MSRB3: variants seen among roughly 807,000 people sequenced by gnomAD.
The protein encoded by MSRB3 is methionine sulfoxide reductase B3, also known as methionine-R-sulfoxide reductase B3.
Under a neutral mutation model 21.0 loss-of-function variants are expected in MSRB3, and 13 were observed. The ratio of observed to expected loss-of-function variants is 0.62; its 90% confidence interval spans 0.40 to 0.98. The LOEUF (loss-of-function observed/expected upper bound fraction) is 0.98. Ranked by LOEUF, MSRB3 falls within the 50% of genes least tolerant of loss-of-function variation. MSRB3 has a pLI of 0.00. For missense variants in MSRB3, 199 were observed against 230.3 expected, an observed-to-expected ratio of 0.86 and a Z score of 0.88; for synonymous variants, 87 against 88.6, an observed-to-expected ratio of 0.98 and a Z score of 0.10.
chr12:65,400,537 T>C (rs1880067586), intron 5 of MSRB3, among the ~76,000 whole-genome samples: 1 of 152,164 alleles, frequency 6.6e-6, no homozygotes, highest in Non-Finnish European at 1.5e-5. Context: ...TCTATCTATT[T>C]TGTTATTCTT....
At chr12:65,405,868 A>G (rs1880387096) in intron 5 of MSRB3, among the ~76,000 whole-genome samples, 1 of 151,946 alleles carries the variant, frequency 6.6e-6, no homozygotes, top group African/African-American at 2.4e-5. Context: ...TTTGTTGGCC[A>G]TTTGTATGTC....
chr12:65,374,950 C>T (rs376922936), intron 5 of MSRB3, among the ~76,000 whole-genome samples: 6 of 151,660 alleles, frequency 4.0e-5, no homozygotes, highest in East Asian at 1.9e-4. Context: ...CCCAGGTTTA[C>T]GCCATTCTCC....
chr12:65,308,080 C>A (rs1305219699), intron 1 of MSRB3, among the ~76,000 whole-genome samples: 1 of 152,154 alleles, frequency 6.6e-6, no homozygotes, highest in African/African-American at 2.4e-5. Context: ...CCTTTTTCCA[C>A]TGGTTATTTG....
chr12:65,437,985 G>C (rs1216142730), intron 5 of MSRB3, among the ~76,000 whole-genome samples: 1 of 151,936 alleles, frequency 6.6e-6, no homozygotes, highest in African/African-American at 2.4e-5. Flanking sequence ...ACATTGTGAG[G>C]AGGGCAGACA....
At chr12:65,358,545 GTAT>G (rs1251559524) in intron 4 of MSRB3, among the ~76,000 whole-genome samples, 4 of 151,982 alleles carry the variant, frequency 2.6e-5, no homozygotes, top group Middle Eastern at 3.4e-3. Flanking sequence ...AATGTGGGGT[GTAT>G]TTTTTTTGTT....
chr12:65,460,160 AGTTT>A (rs1883257445), intron 6 of MSRB3, among the ~76,000 whole-genome samples: 1 of 152,248 alleles, frequency 6.6e-6, no homozygotes, highest in Non-Finnish European at 1.5e-5. Flanking sequence ...TCGAGCAACC[AGTTT>A]GTTTCAGTTA....
chr12:65,322,364 A>C (rs1274559597), intron 2 of MSRB3, among the ~76,000 whole-genome samples: 2 of 152,178 alleles, frequency 1.3e-5, no homozygotes, highest in African/African-American at 4.8e-5. Context: ...TTTCCTGACA[A>C]AATATGATGA....
At chr12:65,326,693 A>C in intron 2 of MSRB3, 133 bp from the exon 3 acceptor site, 1 of 704,880 alleles carries the variant, frequency 1.4e-6, no homozygotes, top group Non-Finnish European at 2.6e-6. Context: ...TCAGGTAAGC[A>C]TTTCCAGTGC....
At chr12:65,446,119 G>A (rs1366743042) in intron 5 of MSRB3, among the ~76,000 whole-genome samples, 1 of 152,172 alleles carries the variant, frequency 6.6e-6, no homozygotes, top group African/African-American at 2.4e-5. Flanking sequence ...ATGAAATCAT[G>A]TCATCAGCAT....
At chr12:65,419,936 C>A (rs1881197007) in intron 5 of MSRB3, 24 of 579,428 alleles carry the variant, frequency 4.1e-5, no homozygotes, top group Non-Finnish European at 7.3e-5. Context: ...TGCTGCTGAC[C>A]AGCCAGGTGC....
chr12:65,325,291 G>A (rs998697947), intron 2 of MSRB3, among the ~76,000 whole-genome samples: 14 of 152,168 alleles, frequency 9.2e-5, no homozygotes, highest in African/African-American at 2.4e-4. Flanking sequence ...GATAAGACGG[G>A]GTCCAGTGAG....
chr12:65,453,691 C>T (rs781105466), intron 5 of MSRB3, 37 bp from the exon 6 acceptor site: 17 of 1,466,670 alleles, frequency 1.2e-5, no homozygotes, highest in Middle Eastern at 1.7e-4. Context: ...GTGTATCTCT[C>T]CTCTCTGCTT....
chr12:65,288,447 C>T (rs1872512246), intron 1 of MSRB3, among the ~76,000 whole-genome samples: 1 of 152,044 alleles, frequency 6.6e-6, no homozygotes, highest in Admixed American at 6.6e-5. Flanking sequence ...AGTTGACTAT[C>T]TTGTGCGATT....
chr12:65,284,026 C>T (rs1872199190), intron 1 of MSRB3: 1 of 152,136 alleles, frequency 6.6e-6, no homozygotes, highest in East Asian at 1.9e-4. Flanking sequence ...AGGAAATCAG[C>T]TTTTGTTGAG....
At chr12:65,378,446 G>C (rs983411897) in intron 5 of MSRB3, among the ~76,000 whole-genome samples, 2 of 152,172 alleles carry the variant, frequency 1.3e-5, no homozygotes, top group African/African-American at 4.8e-5. Context: ...GTTGCAGGTT[G>C]GGTCCAGGTC....
At chr12:65,336,573 G>A (rs766354160) in intron 4 of MSRB3, among the ~76,000 whole-genome samples, 2 of 152,210 alleles carry the variant, frequency 1.3e-5, no homozygotes, top group Non-Finnish European at 2.9e-5. Context: ...CAGTGAATTA[G>A]AATGGATAGT....
Position 65,463,250 on chromosome 12 carries a change from G to A in MSRB3, c.486G>A (p.Ala162=), listed in dbSNP as rs35393316. The A allele has an allele frequency of 4.4e-4, 708 of 1,614,162 alleles. No homozygotes were observed. In the African/African-American group the frequency reaches 8.1e-3, roughly 19 times the overall value. Reference sequence around the variant, plus strand: ...CGGCTGCCTTGTCTTTTACACCTGCGGATAGCAGTGGCACCGCCGAGGGAG... The same window carrying A: ...CGGCTGCCTTGTCTTTTACACCTGCAGATAGCAGTGGCACCGCCGAGGGAG... The part of the protein sequence containing the change: ...INSAALSFTP[A]DSSGTAEGGS... The change falls in exon 7 of 7, where the codon GCG becomes GCA. Residue 162 remains alanine (A), a synonymous_variant. Transcript: ENST00000308259.
intron 1 of MSRB3, chr12:65,286,685 A>G (rs769661677): frequency 3.3e-5 from 5 of 151,712 alleles, no homozygotes; most frequent in Non-Finnish European, 7.4e-5. Flanking sequence ...CATTATTGAA[A>G]ATAAGCCTGT....
chr12:65,337,553 G>C (rs377590671), intron 4 of MSRB3, among the ~76,000 whole-genome samples: 183 of 149,100 alleles, frequency 1.2e-3, no homozygotes, highest in African/African-American at 4.3e-3. Flanking sequence ...AACATCAACT[G>C]TTTCTAATTC....
Sources: allele counts gnomAD v4.1 joint callset (sites outside exome capture counted in the v4.1 genomes callset), GRCh38; gene constraint gnomAD v4.1.1; transcripts MANE v1.5; gene names NCBI Gene and HGNC (gene_info 2026-07-23, HGNC 2026-07-21).